Variants in MDGA2 observed in about 807,000 individuals in gnomAD.
The protein encoded by MDGA2 is MAM domain-containing glycosylphosphatidylinositol anchor protein 2.
MDGA2 carries 40 observed loss-of-function variants against 117.8 expected under a neutral mutation model. The ratio of observed to expected loss-of-function variants is 0.34; its 90% CI spans 0.26 to 0.44. The LOEUF (loss-of-function observed/expected upper bound fraction) is 0.44. Ranked by LOEUF, MDGA2 falls within the 20% of genes least tolerant of loss-of-function variation. The pLI, the probability that MDGA2 is intolerant of heterozygous loss-of-function variation, is 1.00. For synonymous variants in MDGA2, 452 were observed against 439.0 expected (o/e 1.03, Z -0.37); for missense variants, 1,123 against 1,250.6 (o/e 0.90, Z 1.54).
chr14:47,537,597 A>C (rs1291832771), intron 1 of MDGA2, among the ~76,000 whole-genome samples: 1 of 142,542 alleles, frequency 7.0e-6, no homozygotes, highest in Non-Finnish European at 1.5e-5. Context: ...AAAAAAAAAA[A>C]AAAAAAAAAA....
intron 5 of MDGA2, among the ~76,000 whole-genome samples, chr14:47,129,661 C>T (rs1264416460): frequency 4.7e-5 from 7 of 150,318 alleles, no homozygotes; most frequent in African/African-American, 9.9e-5. Flanking sequence ...CCGGAGGAAT[C>T]GCCACACTGA....
intron 8 of MDGA2, among the ~76,000 whole-genome samples, chr14:46,992,191 A>C (rs1444900489): frequency 2.6e-5 from 4 of 152,180 alleles, no homozygotes; most frequent in African/African-American, 9.7e-5. Flanking sequence ...TATCCACAAT[A>C]TGAACATAAG....
intron 1 of MDGA2, among the ~76,000 whole-genome samples, chr14:47,368,438 A>T (rs1286051129): frequency 6.6e-6 from 1 of 152,214 alleles, no homozygotes; most frequent in Non-Finnish European, 1.5e-5. Context: ...TAGATTAGAG[A>T]ATAGAATTGA....
chr14:47,292,086 G>T (rs377191231), intron 2 of MDGA2, among the ~76,000 whole-genome samples: 1 of 152,184 alleles, frequency 6.6e-6, no homozygotes, highest in Non-Finnish European at 1.5e-5. Context: ...CAGCAGCTGC[G>T]CTGATTTGGT....
chr14:46,916,440 T>G (rs1017252599), intron 10 of MDGA2, among the ~76,000 whole-genome samples: 4 of 152,000 alleles, frequency 2.6e-5, no homozygotes, highest in African/African-American at 9.7e-5. Context: ...AAAAAGCACC[T>G]ATTTCCATTA....
At chr14:46,844,725 C>T (rs1233999015) in intron 16 of MDGA2, among the ~76,000 whole-genome samples, 1 of 152,116 alleles carries the variant, frequency 6.6e-6, no homozygotes, top group African/African-American at 2.4e-5. Context: ...CCCCATGTTT[C>T]AAGGGAGAGA....
intron 6 of MDGA2, among the ~76,000 whole-genome samples, chr14:47,073,336 G>A (rs1443370671): frequency 1.3e-5 from 2 of 152,280 alleles, no homozygotes; most frequent in East Asian, 3.9e-4. Flanking sequence ...GTTCTAATAT[G>A]ATTTCATCAT....
At chr14:47,305,628 C>A (rs1889418101) in intron 1 of MDGA2, among the ~76,000 whole-genome samples, 1 of 152,182 alleles carries the variant, frequency 6.6e-6, no homozygotes, top group East Asian at 1.9e-4. Flanking sequence ...ATCCTTTCAC[C>A]TCATATATAG....
chr14:47,251,831 G>T (rs1292214921), intron 2 of MDGA2, among the ~76,000 whole-genome samples: 2 of 152,116 alleles, frequency 1.3e-5, no homozygotes, highest in Non-Finnish European at 2.9e-5. Flanking sequence ...CTTATTAGTT[G>T]GGTGTCCTTG....
intron 1 of MDGA2, among the ~76,000 whole-genome samples, chr14:47,425,520 C>T (rs1033962416): frequency 2.0e-5 from 3 of 152,106 alleles, no homozygotes; most frequent in Non-Finnish European, 2.9e-5. Flanking sequence ...AGCACGCACA[C>T]ACGCGCACAC....
At chr14:47,652,918 T>G (rs1367618362) in intron 1 of MDGA2, among the ~76,000 whole-genome samples, 12 of 152,258 alleles carry the variant, frequency 7.9e-5, no homozygotes, top group African/African-American at 2.6e-4. Context: ...AACTGACCTG[T>G]GTGGCCCAGA....
At chr14:47,586,010 T>TA (rs1436793990) in intron 1 of MDGA2, among the ~76,000 whole-genome samples, 5 of 151,906 alleles carry the variant, frequency 3.3e-5, no homozygotes, top group African/African-American at 1.2e-4. Context: ...CTAGGTCACA[T>TA]GTTTACTCCT....
chr14:47,150,923 C>CAAA (rs34212740), intron 3 of MDGA2, among the ~76,000 whole-genome samples: 1 of 82,444 alleles, frequency 1.2e-5, no homozygotes, highest in Non-Finnish European at 2.5e-5. Context: ...GACTCTGTCT[C>CAAA]AAAAAAAAAA....
chr14:47,622,052 A>C (rs1391303531), intron 1 of MDGA2, among the ~76,000 whole-genome samples: 2 of 151,424 alleles, frequency 1.3e-5, no homozygotes, highest in Non-Finnish European at 2.9e-5. Context: ...AGCTATTATA[A>C]CATATTCCAC....
intron 3 of MDGA2, among the ~76,000 whole-genome samples, chr14:47,170,516 G>A (rs1008380209): frequency 2.6e-5 from 4 of 152,096 alleles, no homozygotes; most frequent in Non-Finnish European, 5.9e-5. Context: ...TCTCAGAGAT[G>A]TTGAGTGACT....
At chr14:46,896,677 G>A (rs866442194) in intron 10 of MDGA2, among the ~76,000 whole-genome samples, 11 of 151,806 alleles carry the variant, frequency 7.2e-5, no homozygotes, top group Admixed American at 3.3e-4. Flanking sequence ...CTCTCTATAC[G>A]TTTTCTTTGA....
intron 1 of MDGA2, among the ~76,000 whole-genome samples, chr14:47,465,583 T>C (rs913058273): frequency 1.5e-4 from 23 of 152,096 alleles, no homozygotes; most frequent in South Asian, 1.5e-3. Flanking sequence ...GAAAAAAAGC[T>C]CATTATTACT....
intron 1 of MDGA2, among the ~76,000 whole-genome samples, chr14:47,411,178 T>C (rs1406830576): frequency 6.6e-6 from 1 of 152,152 alleles, no homozygotes; most frequent in African/African-American, 2.4e-5. Flanking sequence ...CAAGATAATA[T>C]GAATTGATCC....
chr14:47,094,755 A>T (rs553156568), intron 6 of MDGA2, among the ~76,000 whole-genome samples: 1 of 151,614 alleles, frequency 6.6e-6, no homozygotes, highest in East Asian at 2.0e-4. Context: ...GATTTGGTAG[A>T]TTATTTTATG....
Sources: gnomAD v4.1 joint callset for allele counts (sites outside exome capture counted in the v4.1 genomes callset) on GRCh38, gnomAD v4.1.1 for gene constraint, MANE v1.5 for transcripts, NCBI Gene and HGNC (gene_info 2026-07-23, HGNC 2026-07-21) for gene names.